The following SOBP variants were observed in gnomAD, a reference collection of about 807,000 sequenced individuals.
SOBP encodes the protein sine oculis binding protein homolog.
In SOBP, 4 loss-of-function variants were observed where a neutral mutation model predicts 53.6. The ratio of observed to expected loss-of-function variants is 0.07; its 90% CI spans 0.04 to 0.17. The LOEUF (loss-of-function observed/expected upper bound fraction) is 0.17, where lower values mean the gene tolerates loss of function less well. SOBP is among the 10% of genes least tolerant of loss of function. SOBP has a pLI of 1.00. For synonymous variants in SOBP, 584 were observed against 522.6 expected (o/e 1.12, Z -1.60); for missense variants, 1,088 against 1,204.7 (o/e 0.90, Z 1.43).
chr6:107,616,215 C>T (rs943509104), intron 5 of SOBP, among the ~76,000 whole-genome samples: 2 of 151,970 alleles, frequency 1.3e-5, no homozygotes, highest in East Asian at 3.9e-4. Flanking sequence ...AGTACAGCCA[C>T]CTCTCCCATG....
At chr6:107,495,987 AGAG>A (rs1171818014) in intron 1 of SOBP, among the ~76,000 whole-genome samples, 3 of 152,084 alleles carry the variant, frequency 2.0e-5, no homozygotes, top group Admixed American at 6.6e-5. Context: ...ACAGGTTAGA[AGAG>A]GAAAAAAAAA....
At chr6:107,563,622 GA>G (rs1469067249) in intron 4 of SOBP, among the ~76,000 whole-genome samples, 1 of 151,364 alleles carries the variant, frequency 6.6e-6, no homozygotes, top group Non-Finnish European at 1.5e-5. Flanking sequence ...TAAATAGTGA[GA>G]AATGGACCAC....
At chr6:107,602,568 TAAAAAA>T (rs71810335) in intron 5 of SOBP, among the ~76,000 whole-genome samples, 4 of 102,780 alleles carry the variant, frequency 3.9e-5, no homozygotes, top group Middle Eastern at 5.4e-3. Flanking sequence ...TAAGCCGCGT[TAAAAAA>T]AAAAAAAAAA....
At chr6:107,547,449 G>A (rs1235183067) in intron 4 of SOBP, among the ~76,000 whole-genome samples, 1 of 152,188 alleles carries the variant, frequency 6.6e-6, no homozygotes, top group Non-Finnish European at 1.5e-5. Context: ...GAAATGTGTA[G>A]TTCATTCTTC....
chr6:107,658,396 C>G lies in SOBP; in HGVS notation c.*193C>G, dbSNP rs1031508978. 1 of 152,614 alleles carries G rather than the reference C, an allele frequency of 6.6e-6. No homozygotes were observed. The highest frequency in any genetic ancestry group is 2.4e-5 in the African/African-American group (1 of 41,412). The allele number at this position is 152,614 out of a possible 1,614,324, so 9.5% of individuals were successfully genotyped here. A position where few individuals can be genotyped will look rare whatever the true frequency, so the allele number is the denominator to read the frequency against. ...CGATGGCCTCTAGCCCAGAGAAGCCCGCGCATCTTGGACCCACCAAGCAGG... is the reference window on the plus strand; with the variant it reads ...CGATGGCCTCTAGCCCAGAGAAGCCGGCGCATCTTGGACCCACCAAGCAGG... On this transcript the variant is annotated 3_prime_UTR_variant, in exon 7 of 7. Coordinates refer to ENST00000317357, the MANE Select transcript of SOBP (RefSeq NM_018013.4).
At chr6:107,511,776 C>A (rs1481830850) in intron 3 of SOBP, 1 of 152,240 alleles carries the variant, frequency 6.6e-6, no homozygotes, top group African/African-American at 2.4e-5. Flanking sequence ...GTGGTTACCA[C>A]AGCATTGACC....
chr6:107,610,098 TGG>T (rs937994177), intron 5 of SOBP, among the ~76,000 whole-genome samples: 5 of 152,148 alleles, frequency 3.3e-5, no homozygotes, highest in African/African-American at 1.2e-4. Flanking sequence ...TTGTAAACTC[TGG>T]GGAAAACAGA....
At position 107,634,344 on chromosome 6, in the gene SOBP, G is replaced by A. The variant is rs372926482; in HGVS notation, c.1500G>A (p.Pro500=). 5.0e-6 allele frequency: 8 copies of A among 1,589,320 alleles called. No homozygotes were observed. In the African/African-American group the frequency reaches 1.1e-4, roughly 21 times the overall value. The change falls in exon 6 of 7, where the codon CCG becomes CCA. Residue 500 remains proline, a synonymous_variant. Coordinates refer to ENST00000317357, the MANE Select transcript of SOBP (RefSeq NM_018013.4). The surrounding 1 kb of genome is among the most constrained non-coding windows in gnomAD (Gnocchi z 4.5). ...CAGTGAGCATGATGCCAAATGGCCC[G>A]ATGCCGGTGCCCCAGATGATGAATT... ...FPPVSMMPNG[P]MPVPQMMNFG...
rs1772281237 is a variant in SOBP at position 107,661,211 on chromosome 6, C to G, written c.*3008C>G. Among the ~76,000 whole-genome samples, 1 of 152,168 alleles carries G rather than the reference C, an allele frequency of 6.6e-6. No homozygotes were observed. Among genetic ancestry groups the G allele is most frequent in the Non-Finnish European group, 1.5e-5 (1 of 68,014 alleles). ...GTGGCATCTCATAAGCCATCAGCAC[C>G]CCTTTTCCTCCTCTTCCTTCTCACG... On this transcript the variant is annotated 3_prime_UTR_variant, in exon 7 of 7. Coordinates refer to ENST00000317357, the MANE Select transcript of SOBP (RefSeq NM_018013.4).
At chr6:107,581,283 T>A (rs1017156124) in intron 4 of SOBP, among the ~76,000 whole-genome samples, 1 of 152,176 alleles carries the variant, frequency 6.6e-6, no homozygotes, top group Non-Finnish European at 1.5e-5. Context: ...GAACGAAGGC[T>A]TAAAGGTCAC....
rs1772262034 is a variant in SOBP, at chr6:107,660,773, C to T, written c.*2570C>T. On this transcript the variant is annotated 3_prime_UTR_variant, in exon 7 of 7. Transcript: ENST00000317357. ...AAAACAGAAGCCTAGAAAAGCAACT[C>T]GACCTGTTCAGAGTCTCGCACTTAG... 1.3e-5 allele frequency among the ~76,000 whole-genome samples: 2 copies of T among 152,154 alleles called. No individual in the cohort carries two copies. Among genetic ancestry groups the T allele is most frequent in the African/African-American group, 2.4e-5 (1 of 41,434 alleles).
chr6:107,595,758 TA>T (rs993721266), intron 5 of SOBP, among the ~76,000 whole-genome samples: 3 of 152,030 alleles, frequency 2.0e-5, no homozygotes, highest in Admixed American at 6.6e-5. Flanking sequence ...GGAAAGAGTA[TA>T]AAAAATATTT....
intron 1 of SOBP, among the ~76,000 whole-genome samples, chr6:107,503,127 C>T (rs1782887154): frequency 6.6e-6 from 1 of 152,168 alleles, no homozygotes; most frequent in African/African-American, 2.4e-5. Context: ...CCTATTGTAA[C>T]CTAGCTTTCT....
At chr6:107,580,091 AG>A (rs1208502812) in intron 4 of SOBP, among the ~76,000 whole-genome samples, 2 of 152,334 alleles carry the variant, frequency 1.3e-5, no homozygotes, top group East Asian at 3.9e-4. Flanking sequence ...AGCAGGTGAA[AG>A]GGAGGGCAAG....
At chr6:107,539,366 GAAGA>G (rs774491750) in intron 4 of SOBP, among the ~76,000 whole-genome samples, 59 of 152,322 alleles carry the variant, frequency 3.9e-4, no homozygotes, top group African/African-American at 1.4e-3. Flanking sequence ...TGAGCGGAAG[GAAGA>G]GAGGGAGTTT....
At chr6:107,582,745 T>C (rs1226650582) in intron 4 of SOBP, among the ~76,000 whole-genome samples, 1 of 152,226 alleles carries the variant, frequency 6.6e-6, no homozygotes, top group African/African-American at 2.4e-5. Context: ...TAGTTCATCA[T>C]GAAGTGCCTT....
intron 4 of SOBP, among the ~76,000 whole-genome samples, chr6:107,550,505 TAA>T (rs1200579762): frequency 3.3e-5 from 5 of 152,090 alleles, no homozygotes; most frequent in Non-Finnish European, 5.9e-5. Flanking sequence ...CAAAGATAAA[TAA>T]AGAGAGGTCC....
chr6:107,655,517 G>A (rs1771995287), intron 6 of SOBP, among the ~76,000 whole-genome samples: 1 of 152,212 alleles, frequency 6.6e-6, no homozygotes. Context: ...AGCACAAATT[G>A]TCTACTTTAC....
intron 5 of SOBP, among the ~76,000 whole-genome samples, chr6:107,617,493 A>G (rs1467491596): frequency 3.3e-5 from 5 of 152,220 alleles, no homozygotes; most frequent in African/African-American, 1.2e-4. Context: ...GTCTTAAGCT[A>G]AGAACACAGT....
Sources: allele counts gnomAD v4.1 joint callset (sites outside exome capture counted in the v4.1 genomes callset), GRCh38; gene constraint gnomAD v4.1.1; non-coding constraint Gnocchi (gnomAD v3.1); transcripts MANE v1.5; gene names NCBI Gene and HGNC (gene_info 2026-07-23, HGNC 2026-07-21).